The following RSU1 variants were observed in gnomAD, a reference collection of about 807,000 sequenced individuals.
The protein encoded by RSU1 is Ras suppressor protein 1.
In RSU1, 26 loss-of-function variants were observed where a neutral mutation model predicts 31.1. That is an observed-to-expected ratio of 0.84 (90% CI 0.61 to 1.16). The LOEUF is 1.16. RSU1 is among the 50% of genes most tolerant of loss of function. RSU1 has a pLI of 0.00. For missense variants in RSU1, 320 were observed against 339.1 expected, an observed-to-expected ratio of 0.94 and a Z score of 0.44; for synonymous variants, 164 against 136.3, an observed-to-expected ratio of 1.20 and a Z score of -1.41.
Position 16,590,661 on chromosome 10 carries a change from A to G in RSU1, c.*2733T>C, listed in dbSNP as rs1009816307. The G allele has an allele frequency of 1.3e-4, 20 of 152,252 alleles. No individual in the cohort carries two copies. The highest frequency in any genetic ancestry group is 4.8e-4 in the African/African-American group (20 of 41,474). The allele number at this position is 152,252 out of a possible 1,614,324, so 9.4% of individuals were successfully genotyped here. A position where few individuals can be genotyped will look rare whatever the true frequency, so the allele number is the denominator to read the frequency against. ...TAATATTTTCTGATTACAAAAGTAT[A>G]TGTGTTCATTAGAAAAAATTTAAGT... is the stretch of plus-strand genomic sequence containing the variant. On this transcript the variant is annotated 3_prime_UTR_variant, in exon 9 of 9. Transcript: ENST00000345264.
chr10:16,794,715 T>G (rs574609836), intron 2 of RSU1, among the ~76,000 whole-genome samples: 9 of 152,356 alleles, frequency 5.9e-5, no homozygotes, highest in African/African-American at 1.9e-4. Flanking sequence ...ATCTTGAGCT[T>G]CTTCTTTGCA....
intron 8 of RSU1, among the ~76,000 whole-genome samples, chr10:16,691,596 C>T (rs1009056939): frequency 1.3e-5 from 2 of 152,042 alleles, no homozygotes; most frequent in Non-Finnish European, 2.9e-5. Context: ...CCTAGCATAG[C>T]TCATGTACCT....
At chr10:16,743,603 G>T (rs1459262749) in intron 7 of RSU1, among the ~76,000 whole-genome samples, 4 of 152,144 alleles carry the variant, frequency 2.6e-5, no homozygotes, top group Non-Finnish European at 5.9e-5. Flanking sequence ...ATTCCATAAA[G>T]AACATCCTTG....
At chr10:16,719,443 G>A (rs997933120) in intron 7 of RSU1, among the ~76,000 whole-genome samples, 1 of 152,060 alleles carries the variant, frequency 6.6e-6, no homozygotes, top group African/African-American at 2.4e-5. Flanking sequence ...GGGCTGTCGC[G>A]CTTCTTCACC....
At chr10:16,658,606 C>T (rs1181343454) in intron 8 of RSU1, among the ~76,000 whole-genome samples, 2 of 152,080 alleles carry the variant, frequency 1.3e-5, no homozygotes, top group African/African-American at 4.8e-5. Context: ...CACCTGTAAT[C>T]CCAGCTACTC....
intron 7 of RSU1, among the ~76,000 whole-genome samples, chr10:16,733,333 T>TAAAA (rs569239845): frequency 2.5e-5 from 2 of 79,638 alleles, no homozygotes; most frequent in African/African-American, 5.0e-5. Flanking sequence ...TCTACGACAA[T>TAAAA]AAAAAAAAAA....
intron 8 of RSU1, among the ~76,000 whole-genome samples, chr10:16,622,859 C>T (rs572443457): frequency 9.8e-5 from 15 of 152,294 alleles, no homozygotes; most frequent in East Asian, 3.9e-4. Context: ...GGACCCACAG[C>T]GCTCTGGCAA....
At chr10:16,725,052 C>T (rs1836357620) in intron 7 of RSU1, among the ~76,000 whole-genome samples, 1 of 152,298 alleles carries the variant, frequency 6.6e-6, no homozygotes, top group South Asian at 2.1e-4. Context: ...TCAGAGGAAA[C>T]TCTGAAACTC....
intron 4 of RSU1, among the ~76,000 whole-genome samples, chr10:16,763,096 A>T (rs369193708): frequency 1.3e-5 from 2 of 152,284 alleles, no homozygotes; most frequent in African/African-American, 2.4e-5. Flanking sequence ...TTTAGTGGCT[A>T]CAAATTTAAT....
chr10:16,639,123 G>T (rs1834396525), intron 8 of RSU1, among the ~76,000 whole-genome samples: 2 of 152,112 alleles, frequency 1.3e-5, no homozygotes, highest in Admixed American at 1.3e-4. Flanking sequence ...CATGTAAATG[G>T]AACTTCTGAA....
chr10:16,610,834 A>G (rs1833880545), intron 8 of RSU1, among the ~76,000 whole-genome samples: 1 of 152,206 alleles, frequency 6.6e-6, no homozygotes, highest in Non-Finnish European at 1.5e-5. Context: ...GGTGCCAAAA[A>G]GGCTGGAAAC....
chr10:16,782,693 C>T (rs1837679299), intron 2 of RSU1, among the ~76,000 whole-genome samples: 1 of 152,090 alleles, frequency 6.6e-6, no homozygotes, highest in Admixed American at 6.6e-5. Flanking sequence ...TGCTCTCTGG[C>T]TTCAAACATT....
chr10:16,722,614 A>G (rs1216734321), intron 7 of RSU1, among the ~76,000 whole-genome samples: 1 of 152,164 alleles, frequency 6.6e-6, no homozygotes, highest in Non-Finnish European at 1.5e-5. Context: ...TCATGAGTGA[A>G]GAAATCCAAA....
intron 3 of RSU1, among the ~76,000 whole-genome samples, chr10:16,780,009 A>G (rs1837616445): frequency 6.6e-6 from 1 of 152,176 alleles, no homozygotes; most frequent in African/African-American, 2.4e-5. Flanking sequence ...GGAAAAAAAA[A>G]CTGGCAAGGC....
In RSU1 at chr10:16,602,524, T is replaced by C. The variant is rs542730116; in HGVS notation, c.732-9028A>G. Among the ~76,000 whole-genome samples, 7 of 152,330 alleles carry C rather than the reference T, an allele frequency of 4.6e-5. No individual in the cohort carries two copies. The South Asian group carries it at 1.2e-3, about 27-fold the overall frequency. On this transcript the variant is annotated intron_variant, in intron 8 of 8. Transcript: ENST00000345264. ...TTTTGTTTTCTTAAGAAGTCTACCA[T>C]TTTCTGCAGGGCAGGGAGTGCAGGC...
At chr10:16,769,338 C>G (rs1237700701) in intron 3 of RSU1, among the ~76,000 whole-genome samples, 2 of 152,226 alleles carry the variant, frequency 1.3e-5, no homozygotes, top group African/African-American at 4.8e-5. Context: ...GAATTTAAAT[C>G]TAGATTAATC....
intron 2 of RSU1, among the ~76,000 whole-genome samples, chr10:16,797,320 G>T (rs1302207496): frequency 6.6e-6 from 1 of 152,242 alleles, no homozygotes; most frequent in Non-Finnish European, 1.5e-5. Flanking sequence ...AGAAGATCCA[G>T]ATAAAAGTGG....
chr10:16,787,824 G>A (rs1417677208), intron 2 of RSU1, among the ~76,000 whole-genome samples: 1 of 152,194 alleles, frequency 6.6e-6, no homozygotes, highest in Non-Finnish European at 1.5e-5. Flanking sequence ...GTCTTGGTAT[G>A]TCTTTATTAG....
intron 2 of RSU1, among the ~76,000 whole-genome samples, chr10:16,793,849 C>G (rs1230673131): frequency 1.3e-5 from 2 of 151,070 alleles, no homozygotes. Context: ...CTTGACTGGG[C>G]TACGAGATAC....
Sources: gnomAD v4.1 joint callset for allele counts (sites outside exome capture counted in the v4.1 genomes callset) on GRCh38, gnomAD v4.1.1 for gene constraint, MANE v1.5 for transcripts, NCBI Gene and HGNC (gene_info 2026-07-23, HGNC 2026-07-21) for gene names.